ABCB4: variants seen among roughly 807,000 people sequenced by gnomAD.
The protein encoded by ABCB4 is phosphatidylcholine translocator ABCB4.
In ABCB4, 76 loss-of-function variants were observed where a neutral mutation model predicts 145.7. The ratio of observed to expected loss-of-function variants is 0.52; its 90% CI spans 0.43 to 0.63. The LOEUF (loss-of-function observed/expected upper bound fraction) is 0.63. Ranked by LOEUF, ABCB4 falls within the 30% of genes least tolerant of loss-of-function variation. The probability of loss-of-function intolerance (pLI) is 0.00; values close to 1 mark genes in which losing one functional copy is unlikely to be tolerated. For synonymous variants in ABCB4, 517 were observed against 566.8 expected, an observed-to-expected ratio of 0.91 and a Z score of 1.25; for missense variants, 1,234 against 1,553.1, an observed-to-expected ratio of 0.79 and a Z score of 3.45.
At chr7:87,416,210 T>C (rs1808964174) in intron 21 of ABCB4, among the ~76,000 whole-genome samples, 1 of 152,220 alleles carries the variant, frequency 6.6e-6, no homozygotes, top group South Asian at 2.1e-4. Flanking sequence ...CTGATGCTGA[T>C]TACAAGAGGA....
chr7:87,413,590 C>T (rs770296802), intron 22 of ABCB4, 27 bp downstream of exon 22: 1 of 1,401,174 alleles, frequency 7.1e-7, no homozygotes, highest in Admixed American at 1.7e-5. Flanking sequence ...GCACTAGGTT[C>T]TTAGCAGGAA....
the ABCB4 span, among the ~76,000 whole-genome samples, chr7:87,372,097 T>C: frequency 6.6e-6 from 1 of 152,124 alleles, no homozygotes; most frequent in Non-Finnish European, 1.5e-5. Flanking sequence ...TATCCCTCAT[T>C]ACAAGTGAGG....
At chr7:87,384,290 G>A in the ABCB4 span, among the ~76,000 whole-genome samples, 583 of 152,260 alleles carry the variant, frequency 3.8e-3, 2 homozygotes, top group Middle Eastern at 6.8e-3. Context: ...CCAGCAATTT[G>A]GGAGGCCGAG....
chr7:87,449,580 C>T (rs1291158623), intron 8 of ABCB4, among the ~76,000 whole-genome samples: 1 of 149,466 alleles, frequency 6.7e-6, no homozygotes, highest in East Asian at 2.0e-4. Flanking sequence ...ACCACAGGTG[C>T]ACACCACCAC....
chr7:87,413,075 A>T (rs984795974), intron 22 of ABCB4, among the ~76,000 whole-genome samples: 3 of 152,238 alleles, frequency 2.0e-5, no homozygotes, highest in African/African-American at 7.2e-5. Context: ...TCATTTATAA[A>T]ATCAGGCTGC....
rs1281262436 is a variant in ABCB4 at position 87,462,759 on chromosome 7, T to C, written c.285A>G (p.Pro95=). The change falls in exon 4 of 28, where the codon CCA becomes CCG. Residue 95 remains proline (P), a splice_region_variant and synonymous_variant. Transcript: ENST00000649586. ...FVDTAGNFSF[P]VNFSLSLLNP... ...TTTAAAAGGTAAAGAAATGCTTACC[T>C]GGAAAGGAGAAGTTTCCTGCAGTAT... 6.2e-7 allele frequency: 1 copy of C among 1,613,912 alleles called. No homozygotes were observed.
chr7:87,411,989 A>T lies in ABCB4; in HGVS notation c.2828T>A (p.Ile943Asn). 3 of 1,613,940 alleles carry T rather than the reference A, an allele frequency of 1.9e-6. No individual in the cohort carries two copies. Among genetic ancestry groups the T allele is most frequent in the Non-Finnish European group, 2.5e-6 (3 of 1,179,836 alleles). Residue 943 changes from isoleucine to asparagine, a missense_variant, in exon 23 of 28, where the codon ATC (isoleucine) becomes AAC (asparagine). Around this residue, in one of 7 missense-constraint regions of ABCB4, gnomAD observed 301 missense variants for 389.0 expected, o/e 0.77. Coordinates refer to ENST00000649586, the MANE Select transcript of ABCB4 (RefSeq NM_000443.4). ...GGAAAAATACATAAATGCTTGTGAGATACTAAAAGTAATTCCATAGATGTG... is the reference window on the plus strand; with the variant it reads ...GGAAAAATACATAAATGCTTGTGAGTTACTAAAAGTAATTCCATAGATGTG... Reference protein sequence around the residue: ...KAHIYGITFSISQAFMYFSYA... With the variant: ...KAHIYGITFSNSQAFMYFSYA...
intron 14 of ABCB4, among the ~76,000 whole-genome samples, chr7:87,434,681 G>A (rs1810491682): frequency 6.6e-6 from 1 of 152,196 alleles, no homozygotes. Context: ...CCGGGAAGCG[G>A]AGGTTGCAGT....
chr7:87,461,167 A>G (rs2116886091), intron 4 of ABCB4, among the ~76,000 whole-genome samples: 1 of 152,114 alleles, frequency 6.6e-6, no homozygotes, highest in South Asian at 2.1e-4. Flanking sequence ...CTGGTCTCGA[A>G]CTCCCAAACT....
intron 15 of ABCB4, among the ~76,000 whole-genome samples, chr7:87,428,640 A>G (rs1431136084): frequency 6.6e-6 from 1 of 152,236 alleles, no homozygotes; most frequent in Non-Finnish European, 1.5e-5. Context: ...TTTTTATGTA[A>G]AGAGTTCTCA....
chr7:87,396,072 C>G, the ABCB4 span, among the ~76,000 whole-genome samples: 3 of 152,042 alleles, frequency 2.0e-5, no homozygotes, highest in Non-Finnish European at 4.4e-5. Context: ...CAGAGCCAGT[C>G]TAGGAAATCA....
At chr7:87,456,757 G>A (rs143361213) in intron 4 of ABCB4, among the ~76,000 whole-genome samples, 2 of 152,122 alleles carry the variant, frequency 1.3e-5, no homozygotes, top group East Asian at 3.9e-4. Flanking sequence ...GATTGGACCC[G>A]CTCCTTTCTC....
chr7:87,446,681 A>G (rs971910228), intron 9 of ABCB4, among the ~76,000 whole-genome samples: 6 of 152,182 alleles, frequency 3.9e-5, no homozygotes, highest in Admixed American at 3.3e-4. Context: ...GCAATGACCT[A>G]TTCTGTAATA....
chr7:87,399,147 G>A (rs917472569), downstream of ABCB4: 1 of 155,186 alleles, frequency 6.4e-6, no homozygotes, highest in Non-Finnish European at 1.4e-5. Flanking sequence ...TATGTTTGAT[G>A]GGAAAGACCA....
intron 3 of ABCB4, among the ~76,000 whole-genome samples, chr7:87,464,952 C>T (rs1448403588): frequency 6.6e-6 from 1 of 152,180 alleles, no homozygotes; most frequent in East Asian, 1.9e-4. Context: ...GTGCAAGTGA[C>T]ACAGATAACA....
At chr7:87,451,582 G>T in intron 7 of ABCB4, 41 bp downstream of exon 7, 1 of 1,610,996 alleles carries the variant, frequency 6.2e-7, no homozygotes, top group Non-Finnish European at 8.5e-7. Flanking sequence ...ATTACTGTGT[G>T]CAGGGGTTAA....
chr7:87,375,853 A>C, the ABCB4 span: 5 of 1,613,554 alleles, frequency 3.1e-6, no homozygotes, highest in South Asian at 5.5e-5. Context: ...ATTGGTCTTG[A>C]TCCAGAGAAC....
rs756927678 is a variant in ABCB4, at chr7:87,417,398, T to C, written c.2596A>G (p.Ile866Val). 2 of 1,614,160 alleles carry C rather than the reference T, an allele frequency of 1.2e-6. No homozygotes were observed. Among genetic ancestry groups the C allele is most frequent in the South Asian group, 2.2e-5 (2 of 91,082 alleles). ...TCAACAATTCCTGACACAGCAATAATTGGAACAACTGCTAATAGCAATAGG... is the reference window on the plus strand; with the variant it reads ...TCAACAATTCCTGACACAGCAATAACTGGAACAACTGCTAATAGCAATAGG... ...LTLLLLAVVP[I>V]IAVSGIVEMK... is the part of the protein sequence containing the mutation. The change falls in exon 21 of 28, where the codon ATT becomes GTT. Residue 866 changes from isoleucine (I) to valine (V), a missense_variant. Coordinates refer to ENST00000649586, the MANE Select transcript of ABCB4 (RefSeq NM_000443.4).
At chr7:87,427,562 A>G (rs1007606000) in intron 15 of ABCB4, among the ~76,000 whole-genome samples, 2 of 152,140 alleles carry the variant, frequency 1.3e-5, no homozygotes, top group African/African-American at 2.4e-5. Context: ...GCCCTGCTGG[A>G]GTTGGACTTT....
Sources: gnomAD v4.1 joint callset for allele counts (sites outside exome capture counted in the v4.1 genomes callset) on GRCh38, gnomAD v4.1.1 for gene constraint, gnomAD v4.1.1 regional missense constraint, MANE v1.5 for transcripts, NCBI Gene and HGNC (gene_info 2026-07-23, HGNC 2026-07-21) for gene names.